The following SNCAIP variants were observed in gnomAD, a reference collection of about 807,000 sequenced individuals.
SNCAIP encodes synphilin-1.
A neutral mutation model predicts 86.7 loss-of-function variants in SNCAIP; 43 were observed. That is an observed-to-expected ratio of 0.50 (90% CI 0.39 to 0.64). The LOEUF (loss-of-function observed/expected upper bound fraction) is 0.64, where lower values mean the gene tolerates loss of function less well. Ranked by LOEUF, SNCAIP falls within the 30% of genes least tolerant of loss-of-function variation. SNCAIP has a pLI of 0.00. For missense variants in SNCAIP, 981 were observed against 1,103.1 expected (o/e 0.89, Z 1.57); for synonymous variants, 417 against 427.2 (o/e 0.98, Z 0.29).
At chr5:122,462,454 T>C (rs1786598576) in intron 10 of SNCAIP, among the ~76,000 whole-genome samples, 1 of 152,236 alleles carries the variant, frequency 6.6e-6, no homozygotes. Flanking sequence ...TCATGTTTAA[T>C]TGGAATCTCT....
At chr5:122,403,030 A>C (rs896911064) in intron 2 of SNCAIP, among the ~76,000 whole-genome samples, 1 of 152,180 alleles carries the variant, frequency 6.6e-6, no homozygotes, top group Non-Finnish European at 1.5e-5. Flanking sequence ...TTGGCATCAC[A>C]TGTTGTCCTC....
intron 6 of SNCAIP, chr5:122,436,871 G>C (rs780574568): frequency 3.9e-5 from 6 of 152,068 alleles, no homozygotes; most frequent in Non-Finnish European, 8.8e-5. Flanking sequence ...CATTAAAACA[G>C]GTTACCAAAA....
chr5:122,423,390 T>G lies in SNCAIP; in HGVS notation c.653T>G (p.Leu218Trp). 1.2e-6 allele frequency: 2 copies of G among 1,613,514 alleles called. No individual in the cohort carries two copies. The highest frequency in any genetic ancestry group is 1.7e-6 in the Non-Finnish European group (2 of 1,179,640). ...CVLSPVKSPHLRKASAVIHDQ... is the reference protein window; with the variant it reads ...CVLSPVKSPHWRKASAVIHDQ... Reference sequence around the variant, plus strand: ...CTTTCTCCCGTGAAAAGCCCTCACTTGAGAAAAGCATCAGCTGTCATCCAC... The same window carrying G: ...CTTTCTCCCGTGAAAAGCCCTCACTGGAGAAAAGCATCAGCTGTCATCCAC... Residue 218 changes from leucine (L) to tryptophan (W), a missense_variant, in exon 4 of 11, where the codon TTG (leucine) becomes TGG (tryptophan). Physicochemically the swap from Leu to Trp is moderately conservative, Grantham distance 61. Transcript: ENST00000261368.
At chr5:122,406,107 C>A (rs561758719) in intron 3 of SNCAIP, among the ~76,000 whole-genome samples, 318 of 152,218 alleles carry the variant, frequency 2.1e-3, no homozygotes, top group Non-Finnish European at 3.9e-3. Context: ...GAAAAAGGAA[C>A]CCACGGAAAA....
At chr5:122,435,510 C>A (rs1779233000) in intron 6 of SNCAIP, among the ~76,000 whole-genome samples, 1 of 152,138 alleles carries the variant, frequency 6.6e-6, no homozygotes, top group Non-Finnish European at 1.5e-5. Flanking sequence ...ACCTGTGATT[C>A]CTTTTGTTTC....
At chr5:122,330,513 A>G (rs1430283370) in intron 1 of SNCAIP, among the ~76,000 whole-genome samples, 1 of 152,214 alleles carries the variant, frequency 6.6e-6, no homozygotes, top group Admixed American at 6.5e-5. Flanking sequence ...TAGATGTGTT[A>G]TAACAGAAAA....
intron 3 of SNCAIP, among the ~76,000 whole-genome samples, chr5:122,422,421 T>C (rs1776575812): frequency 6.6e-6 from 1 of 152,238 alleles, no homozygotes; most frequent in Admixed American, 6.5e-5. Context: ...TAGGGGTGTA[T>C]GTGGACATGC....
chr5:122,440,868 G>T, intron 7 of SNCAIP, 114 bp downstream of exon 7: 1 of 989,240 alleles, frequency 1.0e-6, no homozygotes, highest in African/African-American at 1.6e-5. Flanking sequence ...TTGTATGGTC[G>T]TAGACAATAA....
chr5:122,412,605 C>G (rs73287545), intron 3 of SNCAIP, among the ~76,000 whole-genome samples: 1 of 152,154 alleles, frequency 6.6e-6, no homozygotes, highest in African/African-American at 2.4e-5. Flanking sequence ...ATAGGACCCT[C>G]CCTCTGCCCT....
intron 1 of SNCAIP, among the ~76,000 whole-genome samples, chr5:122,325,506 T>C (rs1409393587): frequency 1.3e-5 from 2 of 152,278 alleles, no homozygotes; most frequent in South Asian, 2.1e-4. Flanking sequence ...TAGCTCAGAG[T>C]ACTACATCAT....
intron 10 of SNCAIP, among the ~76,000 whole-genome samples, chr5:122,459,373 T>A (rs1288018282): frequency 6.6e-6 from 1 of 152,206 alleles, no homozygotes; most frequent in Admixed American, 6.5e-5. Context: ...GAAAAACTGT[T>A]ATTTAAATTT....
At chr5:122,445,955 A>G (rs1028867705) in intron 8 of SNCAIP, among the ~76,000 whole-genome samples, 2 of 152,040 alleles carry the variant, frequency 1.3e-5, no homozygotes, top group Non-Finnish European at 2.9e-5. Flanking sequence ...AATTTCTTTA[A>G]TGAGTTTAGA....
chr5:122,442,481 G>A (rs938980852), intron 7 of SNCAIP, among the ~76,000 whole-genome samples: 5 of 152,128 alleles, frequency 3.3e-5, no homozygotes, highest in Non-Finnish European at 5.9e-5. Context: ...GGCAAAGTGT[G>A]CATCTTCTAA....
chr5:122,316,947 C>G (rs904784447), intron 1 of SNCAIP, among the ~76,000 whole-genome samples: 1 of 152,270 alleles, frequency 6.6e-6, no homozygotes, highest in Admixed American at 6.5e-5. Flanking sequence ...CCAGCTCAAA[C>G]CAAAGAATAC....
intron 1 of SNCAIP, among the ~76,000 whole-genome samples, chr5:122,316,054 A>G (rs1406762084): frequency 6.6e-6 from 1 of 152,250 alleles, no homozygotes; most frequent in Non-Finnish European, 1.5e-5. Context: ...CAGTTCCAGA[A>G]ATGTTGATTA....
At chr5:122,391,322 G>A (rs1769298231) in intron 2 of SNCAIP, 131 bp downstream of exon 2, 3 of 744,680 alleles carry the variant, frequency 4.0e-6, no homozygotes, top group Non-Finnish European at 4.8e-6. Context: ...CAGAAATCCT[G>A]TGTGGCAGAC....
At chr5:122,452,478 G>A (rs1783896672) in intron 10 of SNCAIP, among the ~76,000 whole-genome samples, 1 of 152,172 alleles carries the variant, frequency 6.6e-6, no homozygotes. Flanking sequence ...TATAATGTTA[G>A]AATCCCATTA....
At chr5:122,387,646 G>A (rs1249087076) in intron 1 of SNCAIP, among the ~76,000 whole-genome samples, 2 of 152,084 alleles carry the variant, frequency 1.3e-5, no homozygotes, top group Non-Finnish European at 2.9e-5. Context: ...CCCTTCCCCT[G>A]GAGTCACAGC....
At chr5:122,344,843 C>A (rs1758280917) in intron 1 of SNCAIP, among the ~76,000 whole-genome samples, 1 of 152,156 alleles carries the variant, frequency 6.6e-6, no homozygotes, top group African/African-American at 2.4e-5. Context: ...TAACCAGTTA[C>A]ATGTATTTAA....
Sources: allele counts gnomAD v4.1 joint callset (sites outside exome capture counted in the v4.1 genomes callset), GRCh38; gene constraint gnomAD v4.1.1; transcripts MANE v1.5; gene names NCBI Gene and HGNC (gene_info 2026-07-23, HGNC 2026-07-21).